PTP4A1: variants seen among roughly 807,000 people sequenced by gnomAD.
The protein encoded by PTP4A1 is protein tyrosine phosphatase 4A1.
PTP4A1 carries 9 observed loss-of-function variants against 20.5 expected under a neutral mutation model. The observed-to-expected ratio is 0.44, with a 90% confidence interval of 0.26 to 0.77. PTP4A1 has a LOEUF of 0.77. Among genes scored for constraint, PTP4A1 ranks in the 30% least tolerant of loss-of-function variants. PTP4A1 has a pLI of 0.19. For synonymous variants in PTP4A1, 78 were observed against 67.4 expected (o/e 1.16, Z -0.77); for missense variants, 137 against 218.8 (o/e 0.63, Z 2.36).
upstream of PTP4A1, among the ~76,000 whole-genome samples, chr6:63,570,690 T>C (rs1470098347): frequency 1.3e-5 from 2 of 152,242 alleles, no homozygotes; most frequent in African/African-American, 4.8e-5. Flanking sequence ...TGAAAAAGTT[T>C]CACTATTCCA....
rs548171923 is a variant in PTP4A1 at position 63,535,327 on chromosome 6, A to G, written c.-640+7243A>G. Among the ~76,000 whole-genome samples, 6 of 152,180 alleles carry G rather than the reference A, an allele frequency of 3.9e-5. No homozygotes were observed. The South Asian group carries it at 6.2e-4, about 16-fold the overall frequency. On this transcript the variant is annotated intron_variant, in intron 2 of 3. Coordinates refer to the PTP4A1 transcript ENST00000639568. ...TAAAAATACAAAAAATAAGCCAGGC[A>G]TAGTGGCATGCTTGTAATCCCAGCT... is the stretch of plus-strand genomic sequence containing the variant.
chr6:63,573,680 A>G lies in PTP4A1; in HGVS notation c.-446+961A>G, dbSNP rs1298797385. 2.6e-5 allele frequency: 4 copies of G among 152,240 alleles called. No homozygotes were observed. In the East Asian group the frequency reaches 7.7e-4, roughly 29 times the overall value. The allele number at this position is 152,240 out of a possible 1,614,324, so 9.4% of individuals were successfully genotyped here. A position where few individuals can be genotyped will look rare whatever the true frequency, so the allele number is the denominator to read the frequency against. ...CACCTGGTAATTCGAGCTGTTCCGG[A>G]TTTATCGCCCCACCTCGGGCTCGTG... is the stretch of plus-strand genomic sequence containing the variant. On this transcript the variant is annotated intron_variant, in intron 1 of 5. Transcript: ENST00000626021.
chr6:63,534,309 T>C lies in PTP4A1; in HGVS notation c.-640+6225T>C, dbSNP rs140860526. On this transcript the variant is annotated intron_variant, in intron 2 of 3. Coordinates refer to the PTP4A1 transcript ENST00000639568. ...TGTTTTTCTACTACATCTGATGCCA[T>C]GCAATCTCTCTGGGATCCAGGTTCA... Among the ~76,000 whole-genome samples the C allele has an allele frequency of 4.4e-3, 666 of 152,288 alleles. 6 individuals carry two copies. The highest frequency in any genetic ancestry group is 6.8e-3 in the Non-Finnish European group (460 of 68,018).
At chr6:63,526,724 G>A (rs572473412) in intron 1 of PTP4A1, among the ~76,000 whole-genome samples, 5 of 149,898 alleles carry the variant, frequency 3.3e-5, no homozygotes, top group Non-Finnish European at 7.4e-5. Context: ...TCTTGAATCT[G>A]GGAGGCAGAG....
At chr6:63,548,725 C>A in intron 2 of PTP4A1, 1 of 646,512 alleles carries the variant, frequency 1.5e-6, no homozygotes. Flanking sequence ...AGCTTAGTTG[C>A]AAGTTCTTGA....
chr6:63,536,538 C>T (rs914951744), intron 2 of PTP4A1, among the ~76,000 whole-genome samples: 3 of 152,104 alleles, frequency 2.0e-5, no homozygotes, highest in African/African-American at 7.2e-5. Context: ...CAGGAATTTT[C>T]GTGGGGAACA....
At chr6:63,537,287 A>G (rs1775769156) in intron 2 of PTP4A1, among the ~76,000 whole-genome samples, 4 of 152,216 alleles carry the variant, frequency 2.6e-5, no homozygotes. Flanking sequence ...ATCAGGCCCT[A>G]TTCCAGACCT....
At chr6:63,562,008 A>T (rs1561909710) in intron 3 of PTP4A1, among the ~76,000 whole-genome samples, 1 of 152,212 alleles carries the variant, frequency 6.6e-6, no homozygotes, top group African/African-American at 2.4e-5. Context: ...TTGGAAAAAA[A>T]ATACAAAATA....
intron 2 of PTP4A1, among the ~76,000 whole-genome samples, chr6:63,541,012 AGG>A (rs1775946575): frequency 7.2e-6 from 1 of 138,142 alleles, no homozygotes; most frequent in South Asian, 2.4e-4. Context: ...AAAAAAAGGA[AGG>A]AGGGAATGAA....
At chr6:63,568,229 T>C (rs764192713), upstream of PTP4A1, among the ~76,000 whole-genome samples, 129 of 152,370 alleles carry the variant, frequency 8.5e-4, no homozygotes, top group Admixed American at 4.6e-3. Flanking sequence ...GGCCTATCTC[T>C]GCTTTCAACT....
intron 2 of PTP4A1, chr6:63,548,975 C>T (rs1015682955): frequency 2.3e-5 from 17 of 745,360 alleles, no homozygotes; most frequent in Non-Finnish European, 3.6e-5. Flanking sequence ...AGTAAGGGAC[C>T]CGCATTTTAT....
intron 3 of PTP4A1, among the ~76,000 whole-genome samples, chr6:63,557,428 A>G (rs1283236494): frequency 6.6e-6 from 1 of 151,888 alleles, no homozygotes; most frequent in Non-Finnish European, 1.5e-5. Flanking sequence ...TATCTGGTGT[A>G]GTGTGCGTGC....
chr6:63,528,482 T>C (rs1329898424), intron 2 of PTP4A1, among the ~76,000 whole-genome samples: 1 of 151,892 alleles, frequency 6.6e-6, no homozygotes, highest in Non-Finnish European at 1.5e-5. Flanking sequence ...CCTAATACTT[T>C]GGGAGGCCAA....
upstream of PTP4A1, among the ~76,000 whole-genome samples, chr6:63,568,054 G>T (rs189079321): frequency 9.2e-5 from 14 of 152,278 alleles, no homozygotes; most frequent in Admixed American, 6.5e-4. Flanking sequence ...AGAATGCTGT[G>T]GCTGGTTTTC....
intron 1 of PTP4A1, among the ~76,000 whole-genome samples, chr6:63,523,413 A>G (rs1233345208): frequency 6.6e-6 from 1 of 152,130 alleles, no homozygotes; most frequent in East Asian, 1.9e-4. Context: ...GCATGCCTGT[A>G]GTCCCAGCTA....
intron 2 of PTP4A1, among the ~76,000 whole-genome samples, chr6:63,536,646 C>T (rs1013404712): frequency 5.9e-5 from 9 of 152,020 alleles, no homozygotes; most frequent in Non-Finnish European, 8.8e-5. Context: ...GTGTCAGTCG[C>T]GATAACTGTG....
At chr6:63,545,819 T>A (rs1452838789) in intron 2 of PTP4A1, among the ~76,000 whole-genome samples, 1 of 152,034 alleles carries the variant, frequency 6.6e-6, no homozygotes, top group Non-Finnish European at 1.5e-5. Context: ...TCCATATTTG[T>A]GTCTACTTGT....
At chr6:63,557,190 T>C (rs1024834591) in intron 3 of PTP4A1, among the ~76,000 whole-genome samples, 61 of 152,172 alleles carry the variant, frequency 4.0e-4, no homozygotes, top group Non-Finnish European at 2.9e-4. Flanking sequence ...AATGCTGCAA[T>C]AGAGGTATTT....
At chr6:63,555,692 CTTT>C (rs35538550) in intron 3 of PTP4A1, among the ~76,000 whole-genome samples, 103 of 135,000 alleles carry the variant, frequency 7.6e-4, no homozygotes, top group African/African-American at 2.4e-3. Flanking sequence ...CAATTACACT[CTTT>C]TTTTTTTTTT....
Sources: gnomAD v4.1 joint callset for allele counts (sites outside exome capture counted in the v4.1 genomes callset) on GRCh38, gnomAD v4.1.1 for gene constraint, MANE v1.5 for transcripts, NCBI Gene and HGNC (gene_info 2026-07-23, HGNC 2026-07-21) for gene names.